PLD5: variants seen among roughly 807,000 people sequenced by gnomAD.
PLD5 encodes inactive phospholipase D5.
In PLD5, 36 loss-of-function variants were observed where a neutral mutation model predicts 61.1. That is an observed-to-expected ratio of 0.59 (90% CI 0.45 to 0.78). PLD5 has a LOEUF of 0.78. Among genes scored for constraint, PLD5 ranks in the 30% least tolerant of loss-of-function variants. The probability of loss-of-function intolerance (pLI) is 0.00; values close to 1 mark genes in which losing one functional copy is unlikely to be tolerated. For synonymous variants in PLD5, 243 were observed against 242.8 expected, an observed-to-expected ratio of 1.00 and a Z score of -0.01; for missense variants, 515 against 644.4, an observed-to-expected ratio of 0.80 and a Z score of 2.17.
chr1:242,183,866 G>A (rs1263691656), intron 5 of PLD5, among the ~76,000 whole-genome samples: 1 of 152,126 alleles, frequency 6.6e-6, no homozygotes, highest in Non-Finnish European at 1.5e-5. Context: ...CTGCACTCCA[G>A]CCTGGGCGAC....
chr1:242,169,572 G>C (rs1033133781), intron 5 of PLD5, among the ~76,000 whole-genome samples: 1 of 152,080 alleles, frequency 6.6e-6, no homozygotes, highest in African/African-American at 2.4e-5. Context: ...GAATGCCAGC[G>C]AGACAGAACT....
At chr1:242,107,908 C>T in intron 7 of PLD5, 69 bp from the exon 8 acceptor site, 1 of 1,383,866 alleles carries the variant, frequency 7.2e-7, no homozygotes, top group Non-Finnish European at 9.9e-7. Context: ...TACTAGACAG[C>T]ATAGAACATT....
chr1:242,429,000 T>C (rs769118405), intron 1 of PLD5, among the ~76,000 whole-genome samples: 5 of 152,198 alleles, frequency 3.3e-5, no homozygotes, highest in Non-Finnish European at 7.3e-5. Context: ...CCTCTAAAGA[T>C]GGATGTGGCC....
chr1:242,479,391 T>G (rs1667698144), intron 1 of PLD5, among the ~76,000 whole-genome samples: 1 of 152,122 alleles, frequency 6.6e-6, no homozygotes, highest in Non-Finnish European at 1.5e-5. Flanking sequence ...ATACAAGCAA[T>G]GAAAAATTGG....
chr1:242,185,300 C>A (rs316835), intron 5 of PLD5, among the ~76,000 whole-genome samples: 74,970 of 151,808 alleles, frequency 0.49, 18,756 homozygotes, highest in East Asian at 0.69. Flanking sequence ...ACAACAACAA[C>A]AAGAAACTAA....
intron 1 of PLD5, among the ~76,000 whole-genome samples, chr1:242,380,246 A>G (rs903207050): frequency 6.6e-5 from 10 of 152,330 alleles, no homozygotes; most frequent in Admixed American, 6.5e-4. Flanking sequence ...TTACAATGGG[A>G]AGCTCCTGGG....
At chr1:242,379,234 G>A (rs1006913402) in intron 1 of PLD5, among the ~76,000 whole-genome samples, 12 of 152,206 alleles carry the variant, frequency 7.9e-5, no homozygotes, top group South Asian at 2.1e-4. Context: ...AGAGACTTGC[G>A]TACCCAGGTA....
At chr1:242,392,111 A>T (rs1469098653) in intron 1 of PLD5, among the ~76,000 whole-genome samples, 1 of 152,202 alleles carries the variant, frequency 6.6e-6, no homozygotes, top group Non-Finnish European at 1.5e-5. Flanking sequence ...TTGTAGAAAC[A>T]TGGAAGCAGC....
intron 5 of PLD5, among the ~76,000 whole-genome samples, chr1:242,165,574 A>G (rs565997296): frequency 6.6e-6 from 1 of 152,302 alleles, no homozygotes; most frequent in East Asian, 1.9e-4. Flanking sequence ...CTTAGATTCT[A>G]TTCTGACTGA....
chr1:242,220,088 G>A lies in PLD5; in HGVS notation c.635C>T (p.Thr212Ile), dbSNP rs768171241. Residue 212 changes from threonine to isoleucine, a missense_variant, in exon 5 of 10, where the codon ACC becomes ATC. Coordinates refer to ENST00000536534, the MANE Select transcript of PLD5 (RefSeq NM_001372062.1). ...KGAEVTYMNM[T>I]AYNKGRLQSS... ...CTGCAGCCGGCCCTTGTTGTAAGCG[G>A]TCATGTTCATGTACGTCACCTCGGC... 6.2e-7 allele frequency: 1 copy of A among 1,614,182 alleles called. No individual in the cohort carries two copies. The highest frequency in any genetic ancestry group is 8.5e-7 in the Non-Finnish European group (1 of 1,180,026).
chr1:242,157,310 G>C (rs1205727787), intron 5 of PLD5, among the ~76,000 whole-genome samples: 1 of 152,142 alleles, frequency 6.6e-6, no homozygotes, highest in Non-Finnish European at 1.5e-5. Flanking sequence ...TGCTCCTTTA[G>C]CTCGGAGAAG....
At chr1:242,362,313 T>C (rs1004060356) in intron 1 of PLD5, among the ~76,000 whole-genome samples, 2 of 152,200 alleles carry the variant, frequency 1.3e-5, no homozygotes, top group Non-Finnish European at 2.9e-5. Flanking sequence ...ACAGTCTGGG[T>C]ATTTAATTTA....
At chr1:242,483,079 A>G (rs1360398007) in intron 1 of PLD5, among the ~76,000 whole-genome samples, 2 of 152,246 alleles carry the variant, frequency 1.3e-5, no homozygotes, top group Non-Finnish European at 2.9e-5. Flanking sequence ...GGAAAGGAAC[A>G]GCCGGTACCA....
At chr1:242,475,355 G>A (rs1274086519) in intron 1 of PLD5, among the ~76,000 whole-genome samples, 1 of 148,256 alleles carries the variant, frequency 6.7e-6, no homozygotes. Context: ...CCCGGGAAGC[G>A]GAGCTTGCAG....
chr1:242,482,721 C>A (rs368648327), intron 1 of PLD5, among the ~76,000 whole-genome samples: 1 of 151,638 alleles, frequency 6.6e-6, no homozygotes, highest in African/African-American at 2.4e-5. Context: ...CACAAAGATA[C>A]TCCTTGAGAA....
chr1:242,371,235 G>C (rs1488547046), intron 1 of PLD5, among the ~76,000 whole-genome samples: 1 of 152,168 alleles, frequency 6.6e-6, no homozygotes, highest in East Asian at 1.9e-4. Context: ...TTTTATAAGA[G>C]TGCACTGAGA....
At chr1:242,343,408 A>C (rs1205529690) in intron 2 of PLD5, among the ~76,000 whole-genome samples, 1 of 152,146 alleles carries the variant, frequency 6.6e-6, no homozygotes, top group Non-Finnish European at 1.5e-5. Context: ...TTTCAGGTAA[A>C]GTCTGGGAAG....
chr1:242,382,776 T>A (rs1287666189), intron 1 of PLD5, among the ~76,000 whole-genome samples: 1 of 152,138 alleles, frequency 6.6e-6, no homozygotes, highest in African/African-American at 2.4e-5. Context: ...TATTTTATAT[T>A]AAAAATAGGT....
intron 4 of PLD5, among the ~76,000 whole-genome samples, chr1:242,259,309 T>C (rs1007660189): frequency 1.3e-5 from 2 of 148,934 alleles, no homozygotes; most frequent in Admixed American, 6.7e-5. Context: ...ACATCACCCC[T>C]CTCTCTCTCT....
Sources: gnomAD v4.1 joint callset for allele counts (sites outside exome capture counted in the v4.1 genomes callset) on GRCh38, gnomAD v4.1.1 for gene constraint, MANE v1.5 for transcripts, NCBI Gene and HGNC (gene_info 2026-07-23, HGNC 2026-07-21) for gene names.